Variants in DLG2 observed in about 807,000 individuals in gnomAD.
DLG2 encodes the protein discs large MAGUK scaffold protein 2, also known as disks large homolog 2.
In DLG2, 45 loss-of-function variants were observed where a neutral mutation model predicts 132.5. The ratio of observed to expected loss-of-function variants is 0.34; its 90% CI spans 0.27 to 0.44. The LOEUF is 0.44. Among genes scored for constraint, DLG2 ranks in the 20% least tolerant of loss-of-function variants. The probability of loss-of-function intolerance (pLI) is 1.00; values close to 1 mark genes in which losing one functional copy is unlikely to be tolerated. For missense variants in DLG2, 1,045 were observed against 1,196.9 expected (o/e 0.87, Z 1.87); for synonymous variants, 424 against 419.6 (o/e 1.01, Z -0.13).
intron 6 of DLG2, among the ~76,000 whole-genome samples, chr11:84,714,599 TTCTCTTTCTCTTTCTCTTTCTCTTTC>T (rs2060911991): frequency 1.2e-5 from 1 of 83,554 alleles, no homozygotes; most frequent in Non-Finnish European, 2.3e-5. Flanking sequence ...TTCTCTTTCT[TTCTCTTTCTCTTTCTCTTTCTCTTTC>T]TCTCTCTCTC....
chr11:85,213,293 C>G (rs1405924534), intron 4 of DLG2, among the ~76,000 whole-genome samples: 1 of 151,880 alleles, frequency 6.6e-6, no homozygotes, highest in African/African-American at 2.4e-5. Flanking sequence ...CCAAAGTGGT[C>G]AGGCTACAAC....
At chr11:83,526,662 G>A (rs2140842452) in intron 21 of DLG2, among the ~76,000 whole-genome samples, 1 of 152,238 alleles carries the variant, frequency 6.6e-6, no homozygotes, top group South Asian at 2.1e-4. Flanking sequence ...AAGTTTCCTG[G>A]AAAATTTTAG....
chr11:84,987,713 C>T (rs973080179), intron 6 of DLG2, among the ~76,000 whole-genome samples: 3 of 152,068 alleles, frequency 2.0e-5, no homozygotes, highest in African/African-American at 7.2e-5. Context: ...ATTGGCAAGC[C>T]ACATGTAAGA....
At chr11:84,418,956 T>C (rs943166696) in intron 7 of DLG2, among the ~76,000 whole-genome samples, 11 of 152,202 alleles carry the variant, frequency 7.2e-5, no homozygotes, top group African/African-American at 2.7e-4. Flanking sequence ...TGCAAAACTT[T>C]TGGTTTGACT....
At chr11:85,530,709 C>A (rs906871734) in intron 3 of DLG2, among the ~76,000 whole-genome samples, 1 of 152,174 alleles carries the variant, frequency 6.6e-6, no homozygotes, top group Non-Finnish European at 1.5e-5. Context: ...GGTACTAAGA[C>A]AATAAGGTTT....
chr11:85,153,384 A>G (rs2077392329), intron 5 of DLG2, among the ~76,000 whole-genome samples: 1 of 152,184 alleles, frequency 6.6e-6, no homozygotes, highest in Non-Finnish European at 1.5e-5. Flanking sequence ...TTTCCTCTAA[A>G]TAACCCCATT....
At chr11:84,532,488 G>C (rs929253815) in intron 7 of DLG2, among the ~76,000 whole-genome samples, 19 of 152,126 alleles carry the variant, frequency 1.2e-4, no homozygotes, top group African/African-American at 4.3e-4. Flanking sequence ...CGAATTTTGT[G>C]TATCTGTGTG....
At chr11:85,573,615 A>C (rs191336092) in intron 3 of DLG2, among the ~76,000 whole-genome samples, 1 of 151,972 alleles carries the variant, frequency 6.6e-6, no homozygotes, top group Non-Finnish European at 1.5e-5. Context: ...CTTGGTTCCT[A>C]TTTTCTGAGT....
At chr11:84,009,421 G>C (rs1490272409) in intron 11 of DLG2, among the ~76,000 whole-genome samples, 1 of 151,990 alleles carries the variant, frequency 6.6e-6, no homozygotes, top group African/African-American at 2.4e-5. Flanking sequence ...ACTAAAATGA[G>C]CATATTGTAT....
chr11:85,615,151 A>C (rs2081256459), intron 2 of DLG2, among the ~76,000 whole-genome samples: 1 of 152,230 alleles, frequency 6.6e-6, no homozygotes. Flanking sequence ...ATGCTTTCAA[A>C]TTTTCTATAA....
At chr11:83,953,837 G>T (rs1461497101) in intron 14 of DLG2, among the ~76,000 whole-genome samples, 1 of 152,178 alleles carries the variant, frequency 6.6e-6, no homozygotes, top group Non-Finnish European at 1.5e-5. Context: ...TGGTTAACTT[G>T]TAAGAGGATA....
At chr11:85,122,969 A>ATAT (rs1438099030) in intron 5 of DLG2, among the ~76,000 whole-genome samples, 13 of 86,866 alleles carry the variant, frequency 1.5e-4, no homozygotes, top group Non-Finnish European at 2.4e-4. Flanking sequence ...ATATATATAT[A>ATAT]TTTTTTTTTT....
chr11:85,278,062 C>T (rs935867382), intron 4 of DLG2, among the ~76,000 whole-genome samples: 1 of 152,186 alleles, frequency 6.6e-6, no homozygotes, highest in Admixed American at 6.5e-5. Flanking sequence ...CCTAATCAGT[C>T]TTACTACTCT....
At chr11:85,094,198 C>T (rs1303842502) in intron 6 of DLG2, among the ~76,000 whole-genome samples, 1 of 152,138 alleles carries the variant, frequency 6.6e-6, no homozygotes, top group Admixed American at 6.5e-5. Context: ...TTTGTTCTTC[C>T]AATTCTAGAA....
At chr11:84,448,959 T>A (rs942563478) in intron 7 of DLG2, among the ~76,000 whole-genome samples, 1 of 151,950 alleles carries the variant, frequency 6.6e-6, no homozygotes, top group Non-Finnish European at 1.5e-5. Flanking sequence ...CACACTCCTA[T>A]GAGAAGAAAG....
At chr11:83,996,341 T>C (rs186051102) in intron 11 of DLG2, among the ~76,000 whole-genome samples, 1 of 152,294 alleles carries the variant, frequency 6.6e-6, no homozygotes, top group African/African-American at 2.4e-5. Flanking sequence ...GGCTGGGATA[T>C]GGGAAAAAGG....
chr11:84,042,852 G>A (rs1690205172), intron 11 of DLG2, among the ~76,000 whole-genome samples: 3 of 151,774 alleles, frequency 2.0e-5, no homozygotes, highest in Admixed American at 1.3e-4. Context: ...TGGACACATG[G>A]GGAAAAACAA....
intron 7 of DLG2, among the ~76,000 whole-genome samples, chr11:84,436,393 A>C (rs997883643): frequency 6.6e-6 from 1 of 152,200 alleles, no homozygotes; most frequent in African/African-American, 2.4e-5. Context: ...TAGTGAAGGC[A>C]TCTTTCTAGG....
chr11:85,454,874 G>A (rs192610803), intron 3 of DLG2, among the ~76,000 whole-genome samples: 13 of 152,112 alleles, frequency 8.5e-5, no homozygotes, highest in East Asian at 1.9e-4. Flanking sequence ...CCTCGATTCC[G>A]TTTCATTGGT....
Sources: allele counts gnomAD v4.1 joint callset (sites outside exome capture counted in the v4.1 genomes callset), GRCh38; gene constraint gnomAD v4.1.1; transcripts MANE v1.5; gene names NCBI Gene and HGNC (gene_info 2026-07-23, HGNC 2026-07-21).